Variants in NCOA1 observed in about 807,000 individuals in gnomAD.
NCOA1 encodes Hin-2 protein.
A neutral mutation model predicts 150.9 loss-of-function variants in NCOA1; 35 were observed. The ratio of observed to expected loss-of-function variants is 0.23; its 90% confidence interval spans 0.18 to 0.31. The LOEUF is 0.31. Ranked by LOEUF, NCOA1 falls within the 10% of genes least tolerant of loss-of-function variation. The pLI, the probability that NCOA1 is intolerant of heterozygous loss-of-function variation, is 1.00. For missense variants in NCOA1, 1,491 were observed against 1,749.3 expected, an observed-to-expected ratio of 0.85 and a Z score of 2.63; for synonymous variants, 590 against 630.0, an observed-to-expected ratio of 0.94 and a Z score of 0.95.
chr2:24,552,335 ATATATATATATATATATATTTTTTTT>A, intron 1 of NCOA1, among the ~76,000 whole-genome samples: 1 of 12,582 alleles, frequency 7.9e-5, no homozygotes, highest in Non-Finnish European at 1.6e-4. Flanking sequence ...ATATATATAT[ATATATATATATATATATATTTTTTTT>A]TTTTTTTTTT....
intron 19 of NCOA1, among the ~76,000 whole-genome samples, chr2:24,749,315 C>T (rs1292441810): frequency 1.3e-5 from 2 of 152,172 alleles, no homozygotes; most frequent in Non-Finnish European, 2.9e-5. Flanking sequence ...AGCCAAGACA[C>T]CTAGAGGTAG....
At chr2:24,659,939 A>T (rs1370384005) in intron 5 of NCOA1, among the ~76,000 whole-genome samples, 1 of 152,160 alleles carries the variant, frequency 6.6e-6, no homozygotes, top group Non-Finnish European at 1.5e-5. Context: ...GTAAAGCTAC[A>T]GAAGACTCTT....
intron 2 of NCOA1, among the ~76,000 whole-genome samples, chr2:24,568,592 G>A (rs1212655807): frequency 6.6e-6 from 1 of 152,178 alleles, no homozygotes. Flanking sequence ...TGAAATTAAT[G>A]AATGTTGTTG....
chr2:24,626,538 G>C (rs984929289), intron 3 of NCOA1, among the ~76,000 whole-genome samples: 1 of 152,194 alleles, frequency 6.6e-6, no homozygotes, highest in African/African-American at 2.4e-5. Flanking sequence ...AGAGAGCTGG[G>C]AAAGTGGTAG....
At chr2:24,520,750 A>T (rs1032071418) in intron 1 of NCOA1, among the ~76,000 whole-genome samples, 4 of 152,238 alleles carry the variant, frequency 2.6e-5, no homozygotes, top group African/African-American at 9.6e-5. Context: ...GCAGCTGATT[A>T]TGTGTTCATT....
intron 1 of NCOA1, among the ~76,000 whole-genome samples, chr2:24,509,755 T>G (rs1663853575): frequency 6.6e-6 from 1 of 152,226 alleles, no homozygotes; most frequent in Non-Finnish European, 1.5e-5. Context: ...CAGATGGGTT[T>G]AACAGAGAGA....
intron 11 of NCOA1, among the ~76,000 whole-genome samples, chr2:24,699,638 C>T (rs575097912): frequency 2.6e-5 from 4 of 152,058 alleles, no homozygotes; most frequent in Non-Finnish European, 5.9e-5. Context: ...GTGACTGAAT[C>T]GAGTGTTTTG....
intron 8 of NCOA1, among the ~76,000 whole-genome samples, chr2:24,683,844 A>G (rs1672286150): frequency 6.6e-6 from 1 of 152,206 alleles, no homozygotes; most frequent in Admixed American, 6.5e-5. Context: ...TTCAATAGTC[A>G]GTGTATATTT....
chr2:24,751,955 CAT>C (rs1487337067), intron 19 of NCOA1, 25 bp from the exon 20 acceptor site: 1 of 1,589,802 alleles, frequency 6.3e-7, no homozygotes, highest in South Asian at 1.1e-5. Flanking sequence ...AGTGTATCAA[CAT>C]AAATTAATTT....
chr2:24,654,071 T>G (rs889841754), intron 4 of NCOA1, among the ~76,000 whole-genome samples: 11 of 152,240 alleles, frequency 7.2e-5, no homozygotes, highest in African/African-American at 2.2e-4. Flanking sequence ...TTAATCTTAT[T>G]TATGCTTCTG....
intron 19 of NCOA1, among the ~76,000 whole-genome samples, chr2:24,747,749 C>T (rs1461638383): frequency 1.3e-5 from 2 of 151,976 alleles, no homozygotes; most frequent in Non-Finnish European, 2.9e-5. Flanking sequence ...AATGCAAAGA[C>T]ATTAGAAGTG....
At chr2:24,719,547 G>A (rs1291049282) in intron 14 of NCOA1, among the ~76,000 whole-genome samples, 1 of 152,164 alleles carries the variant, frequency 6.6e-6, no homozygotes, top group Admixed American at 6.5e-5. Flanking sequence ...ATAGAATAAA[G>A]CATTTTCAGA....
At chr2:24,736,236 AAG>A (rs775377626) in intron 17 of NCOA1, among the ~76,000 whole-genome samples, 85 of 136,272 alleles carry the variant, frequency 6.2e-4, no homozygotes, top group African/African-American at 2.0e-3. Context: ...AAAAAAAAAA[AAG>A]AAAAAGAAAA....
chr2:24,736,392 T>C (rs6545698), intron 17 of NCOA1, among the ~76,000 whole-genome samples: 1 of 151,876 alleles, frequency 6.6e-6, no homozygotes, highest in Admixed American at 6.6e-5. Context: ...TAAACAAATA[T>C]GGTATACTTA....
In NCOA1 at chr2:24,505,191, C is replaced by CT. The variant is rs774883744; in HGVS notation, c.-396+13601dup. Among the ~76,000 whole-genome samples, 972 of 144,762 alleles carry CT rather than the reference C, an allele frequency of 6.7e-3. 12 individuals are homozygous for CT. The highest frequency in any genetic ancestry group is 0.021 in the African/African-American group (818 of 39,836). The allele number at this position is 144,762 out of a possible 152,430, so 95.0% of individuals were successfully genotyped here. ...GTATTCCAATATTTTTTTCTTTTTT[C>CT]TTTTTTTTTTTTGAGACGGAGTTTT... On this transcript the variant is annotated intron_variant, in intron 1 of 22. Coordinates refer to ENST00000348332, the MANE Select transcript of NCOA1 (RefSeq NM_003743.5).
rs752663576 is a variant in NCOA1, at chr2:24,711,131, C to G, written c.2599+20C>G. 1.9e-6 allele frequency: 3 copies of G among 1,596,052 alleles called. No individual in the cohort carries two copies. The highest frequency in any genetic ancestry group is 2.6e-6 in the Non-Finnish European group (3 of 1,169,878). ...TAAATAGTATGTTCTGGGGACAACA[C>G]CTCATTTTAAACGTTTAGTGATAAT... On this transcript the variant is annotated intron_variant, in intron 14 of 22. Coordinates refer to ENST00000348332, the MANE Select transcript of NCOA1 (RefSeq NM_003743.5).
intron 3 of NCOA1, among the ~76,000 whole-genome samples, chr2:24,615,693 C>T (rs1202663929): frequency 6.6e-6 from 1 of 152,166 alleles, no homozygotes; most frequent in Middle Eastern, 3.2e-3. Context: ...AAGAAGCTTG[C>T]AGTTAACTTA....
chr2:24,650,847 T>C (rs1413007847), intron 4 of NCOA1, among the ~76,000 whole-genome samples: 1 of 152,156 alleles, frequency 6.6e-6, no homozygotes, highest in Non-Finnish European at 1.5e-5. Context: ...GATTGTTTGA[T>C]ATTTTGGATT....
intron 1 of NCOA1, among the ~76,000 whole-genome samples, chr2:24,507,976 T>C (rs906036580): frequency 1.3e-5 from 2 of 152,218 alleles, no homozygotes; most frequent in Non-Finnish European, 2.9e-5. Context: ...AATTTCATTA[T>C]AGCATGTGCT....
Sources: allele counts gnomAD v4.1 joint callset (sites outside exome capture counted in the v4.1 genomes callset), GRCh38; gene constraint gnomAD v4.1.1; transcripts MANE v1.5; gene names NCBI Gene and HGNC (gene_info 2026-07-23, HGNC 2026-07-21).